RYR3: variants seen among roughly 807,000 people sequenced by gnomAD.
The protein encoded by RYR3 is brain ryanodine receptor-calcium release channel.
Under a neutral mutation model 584.3 loss-of-function variants are expected in RYR3, and 207 were observed. That is an observed-to-expected ratio of 0.35 (90% CI 0.32 to 0.40). The LOEUF (loss-of-function observed/expected upper bound fraction) is 0.40. RYR3 is among the 10% of genes least tolerant of loss of function. The pLI is 1.00. For synonymous variants in RYR3, 2,416 were observed against 2,248.5 expected, an observed-to-expected ratio of 1.07 and a Z score of -2.11; for missense variants, 5,616 against 6,089.2, an observed-to-expected ratio of 0.92 and a Z score of 2.59.
chr15:33,487,781 G>T (rs558430107), intron 2 of RYR3, among the ~76,000 whole-genome samples: 214 of 152,292 alleles, frequency 1.4e-3, no homozygotes, highest in African/African-American at 4.8e-3. Flanking sequence ...TCAAGGTGAA[G>T]GGTTGGGATG....
Position 33,819,869 on chromosome 15 carries a change from C to T in RYR3, c.10758+62C>T, listed in dbSNP as rs115902083. On this transcript the variant is annotated intron_variant, in intron 77 of 103. Transcript: ENST00000634891. ...CTGTCTTCCCTTAGATTTCTTTAGGCGCATGAAAATTGTCATGTTGAATAG... is the reference window on the plus strand; with the variant it reads ...CTGTCTTCCCTTAGATTTCTTTAGGTGCATGAAAATTGTCATGTTGAATAG... The T allele has an allele frequency of 2.9e-3, 3,906 of 1,342,580 alleles. 77 individuals carry two copies. In the African/African-American group the frequency reaches 0.048, roughly 16 times the overall value. 83.2% of individuals were successfully genotyped at this position (1,342,580 alleles called of 1,614,324 possible). A position where few individuals can be genotyped will look rare whatever the true frequency, so the allele number is the denominator to read the frequency against.
At chr15:33,821,066 T>C (rs1278532111) in intron 78 of RYR3, among the ~76,000 whole-genome samples, 1 of 151,432 alleles carries the variant, frequency 6.6e-6, no homozygotes, top group African/African-American at 2.4e-5. Flanking sequence ...AAATGGAAAA[T>C]GTACCATCAA....
At chr15:33,321,290 A>C (rs879497726) in intron 1 of RYR3, among the ~76,000 whole-genome samples, 4 of 152,220 alleles carry the variant, frequency 2.6e-5, no homozygotes, top group Non-Finnish European at 5.9e-5. Flanking sequence ...TTCATATCCA[A>C]GGATACAAAG....
At chr15:33,360,229 G>C (rs552699739) in intron 1 of RYR3, among the ~76,000 whole-genome samples, 1 of 152,158 alleles carries the variant, frequency 6.6e-6, no homozygotes, top group East Asian at 1.9e-4. Context: ...TCTTACAGTC[G>C]TGAGATAGGA....
In RYR3 at chr15:33,780,219, C is replaced by G. The variant is rs781755911; in HGVS notation, c.9146C>G (p.Pro3049Arg). ...GKNIYVERQR[P>R]ALGECLASLA... ...GACTTCTTTGTTTCCAGGCAACGCC[C>G]TGCCCTTGGAGAATGTCTGGCCTCG... Residue 3049 changes from proline (P) to arginine (R), a missense_variant, in exon 65 of 104, where the codon CCT becomes CGT. Coordinates refer to ENST00000634891, the MANE Select transcript of RYR3 (RefSeq NM_001036.6). The G allele has an allele frequency of 6.2e-7, 1 of 1,613,752 alleles. No individual in the cohort carries two copies. The highest frequency in any genetic ancestry group is 8.5e-7 in the Non-Finnish European group (1 of 1,179,702).
At chr15:33,690,485 G>A (rs1781188314) in intron 38 of RYR3, among the ~76,000 whole-genome samples, 1 of 152,162 alleles carries the variant, frequency 6.6e-6, no homozygotes, top group Admixed American at 6.5e-5. Flanking sequence ...CTTCTTACAT[G>A]AGATATTCTT....
chr15:33,395,105 T>G (rs2042222611), intron 1 of RYR3, among the ~76,000 whole-genome samples: 1 of 152,230 alleles, frequency 6.6e-6, no homozygotes, highest in African/African-American at 2.4e-5. Flanking sequence ...TTCCAAGGAC[T>G]GTGAACTTTA....
chr15:33,521,863 G>A (rs1385107714), intron 3 of RYR3, among the ~76,000 whole-genome samples: 1 of 152,142 alleles, frequency 6.6e-6, no homozygotes, highest in Admixed American at 6.5e-5. Context: ...TAAGGCAACT[G>A]CTAGCTGACC....
chr15:33,728,821 G>A, intron 46 of RYR3, 36 bp from the exon 47 acceptor site: 12 of 1,589,056 alleles, frequency 7.6e-6, no homozygotes, highest in Non-Finnish European at 1.0e-5. Context: ...TTTGGAGACA[G>A]GAAAAGGGAA....
chr15:33,315,226 C>T (rs1967989613), intron 1 of RYR3, among the ~76,000 whole-genome samples: 1 of 152,174 alleles, frequency 6.6e-6, no homozygotes, highest in Non-Finnish European at 1.5e-5. Flanking sequence ...CGTCCCTCCC[C>T]AGAGCGCGCT....
At chr15:33,444,528 C>T (rs2046470923) in intron 1 of RYR3, among the ~76,000 whole-genome samples, 1 of 152,062 alleles carries the variant, frequency 6.6e-6, no homozygotes, top group Admixed American at 6.5e-5. Flanking sequence ...GCCTCCCTGC[C>T]CTCAAGGAGT....
chr15:33,757,940 AC>A, intron 60 of RYR3: 1 of 272,840 alleles, frequency 3.7e-6, no homozygotes. Context: ...CAACTGAGGT[AC>A]CCAGTTCATC....
intron 16 of RYR3, among the ~76,000 whole-genome samples, chr15:33,590,951 G>A (rs1006438931): frequency 6.6e-6 from 1 of 152,104 alleles, no homozygotes; most frequent in Non-Finnish European, 1.5e-5. Flanking sequence ...GGAAATAACT[G>A]CCACTCATCA....
intron 10 of RYR3, among the ~76,000 whole-genome samples, chr15:33,562,556 A>G (rs1195406726): frequency 2.3e-5 from 2 of 88,042 alleles, no homozygotes; most frequent in East Asian, 2.3e-4. Context: ...GAAGAATTAC[A>G]CAAAATCAGA....
chr15:33,863,290 C>T (rs1889171772), intron 102 of RYR3, among the ~76,000 whole-genome samples: 1 of 152,142 alleles, frequency 6.6e-6, no homozygotes, highest in South Asian at 2.1e-4. Flanking sequence ...AGAGATTAAC[C>T]CTACTGTCTT....
Position 33,660,380 on chromosome 15 carries a change from G to A in RYR3, c.4579G>A (p.Glu1527Lys). ...CCACGGCTGGGTGGTGCAGTGCCTGGAGCCCCTGCAGATGATGGCGCTCCA... is the reference window on the plus strand; with the variant it reads ...CCACGGCTGGGTGGTGCAGTGCCTGAAGCCCCTGCAGATGATGGCGCTCCA... Reference protein sequence around the residue: ...ERHGWVVQCLEPLQMMALHIP... With the variant: ...ERHGWVVQCLKPLQMMALHIP... Residue 1527 changes from glutamate to lysine, a missense_variant, in exon 34 of 104, where the codon GAG (glutamate) becomes AAG (lysine). Transcript: ENST00000634891. The A allele has an allele frequency of 1.3e-6, 2 of 1,584,796 alleles. No individual in the cohort carries two copies. The highest frequency in any genetic ancestry group is 1.7e-6 in the Non-Finnish European group (2 of 1,165,844).
At position 33,574,892 on chromosome 15, in the gene RYR3, A is replaced by T. The variant is rs1156839995; in HGVS notation, c.1269-5084A>T. ...GCCGTATTCAAGAGACCCATCTCAC[A>T]TGCAAAGACATGCATAAGCTTGAAA... On this transcript the variant is annotated intron_variant, in intron 12 of 103. Transcript: ENST00000634891. Among the ~76,000 whole-genome samples, 4 of 152,172 alleles carry T rather than the reference A, an allele frequency of 2.6e-5. No individual in the cohort carries two copies. The East Asian group carries it at 7.7e-4, about 29-fold the overall frequency.
At position 33,315,866 on chromosome 15, in the gene RYR3, G is replaced by A. The variant is rs376309598; in HGVS notation, c.51+4770G>A. Among the ~76,000 whole-genome samples, 9 of 152,338 alleles carry A rather than the reference G, an allele frequency of 5.9e-5. 1 individual carries two copies. In the South Asian group the frequency reaches 1.9e-3, roughly 32 times the overall value. On this transcript the variant is annotated intron_variant, in intron 1 of 103. Coordinates refer to ENST00000634891, the MANE Select transcript of RYR3 (RefSeq NM_001036.6). ...CTGCTGATCTCCTGGGAAGGAGGTG[G>A]TGATGACTGCAAACTTGGAAATATT...
Position 33,859,590 on chromosome 15 carries a change from A to G in RYR3, c.14158A>G (p.Met4720Val). 1.2e-6 allele frequency: 2 copies of G among 1,613,942 alleles called. No homozygotes were observed. Among genetic ancestry groups the G allele is most frequent in the African/African-American group, 1.3e-5 (1 of 75,040 alleles). The change falls in exon 100 of 104, where the codon ATG becomes GTG. Residue 4720 changes from methionine to valine, a missense_variant. Transcript: ENST00000634891. The part of the protein sequence containing the change: ...DDMMTCYLFH[M>V]YVGVRAGGGI... ...TCTTCTCTAGTGTTACCTTTTCCAC[A>G]TGTACGTGGGAGTGAGAGCAGGAGG...
Sources: allele counts gnomAD v4.1 joint callset (sites outside exome capture counted in the v4.1 genomes callset), GRCh38; gene constraint gnomAD v4.1.1; transcripts MANE v1.5; gene names NCBI Gene and HGNC (gene_info 2026-07-23, HGNC 2026-07-21).